NMT2: variants seen among roughly 807,000 people sequenced by gnomAD.
NMT2 encodes N-myristoyltransferase 2.
A neutral mutation model predicts 65.4 loss-of-function variants in NMT2; 35 were observed. The ratio of observed to expected loss-of-function variants is 0.54; its 90% CI spans 0.41 to 0.71. The LOEUF (loss-of-function observed/expected upper bound fraction) is 0.71, where lower values mean the gene tolerates loss of function less well. Among genes scored for constraint, NMT2 ranks in the 30% least tolerant of loss-of-function variants. The pLI is 0.00. For missense variants in NMT2, 489 were observed against 611.3 expected, an observed-to-expected ratio of 0.80 and a Z score of 2.11; for synonymous variants, 226 against 231.8, an observed-to-expected ratio of 0.98 and a Z score of 0.23.
At chr10:15,121,524 C>T (rs148716565) in intron 8 of NMT2, among the ~76,000 whole-genome samples, 32 of 152,290 alleles carry the variant, frequency 2.1e-4, no homozygotes, top group African/African-American at 4.1e-4. Flanking sequence ...CCTGCCACCA[C>T]GCCCGGCTAA....
intron 9 of NMT2, among the ~76,000 whole-genome samples, chr10:15,118,523 G>A (rs894806264): frequency 4.6e-5 from 7 of 151,302 alleles, no homozygotes; most frequent in African/African-American, 1.7e-4. Flanking sequence ...TGGGCAACAA[G>A]AGCAAAATTC....
At chr10:15,138,004 C>CTTTTTTTTTTTTTTTTTTTT (rs374744946) in intron 2 of NMT2, among the ~76,000 whole-genome samples, 3 of 128,132 alleles carry the variant, frequency 2.3e-5, no homozygotes, top group Non-Finnish European at 3.3e-5. Flanking sequence ...TCTTCTTCTT[C>CTTTTTTTTTTTTTTTTTTTT]TTTTTTTTTT....
rs1845396616 is a variant in NMT2 at position 15,108,568 on chromosome 10, A to G, written c.*627T>C. 2 of 986,108 alleles carry G rather than the reference A, an allele frequency of 2.0e-6. No individual in the cohort carries two copies. Among genetic ancestry groups the G allele is most frequent in the Non-Finnish European group, 2.4e-6 (2 of 830,462 alleles). 61.1% of individuals were successfully genotyped at this position (986,108 alleles called of 1,614,324 possible). ...CCACTGACCTGGTAAAGATCAAAGT[A>G]CAAACTTGCATGTTTATTGATTCGG... On this transcript the variant is annotated 3_prime_UTR_variant, in exon 12 of 12. Coordinates refer to ENST00000378165, the MANE Select transcript of NMT2 (RefSeq NM_004808.3).
chr10:15,108,008 A>C lies in NMT2; in HGVS notation c.*1187T>G, dbSNP rs1164575299. ...TAGAGGAGTATGTGCAATTTTGCAT[A>C]AGTAATAAAAACATTCAAACTATCA... On this transcript the variant is annotated 3_prime_UTR_variant, in exon 12 of 12. Coordinates refer to ENST00000378165, the MANE Select transcript of NMT2 (RefSeq NM_004808.3). The C allele has an allele frequency of 2.0e-6, 2 of 985,706 alleles. No homozygotes were observed. The highest frequency in any genetic ancestry group is 2.4e-6 in the Non-Finnish European group (2 of 829,930). The allele number at this position is 985,706 out of a possible 1,614,324, so 61.1% of individuals were successfully genotyped here.
intron 9 of NMT2, 58 bp downstream of exon 9, chr10:15,119,285 A>G: frequency 6.7e-7 from 1 of 1,489,854 alleles, no homozygotes; most frequent in South Asian, 1.2e-5. Context: ...ATTCTGCTGC[A>G]CGCTGAACAC....
At chr10:15,166,662 G>A (rs1303803089) in intron 1 of NMT2, among the ~76,000 whole-genome samples, 3 of 152,142 alleles carry the variant, frequency 2.0e-5, no homozygotes, top group Non-Finnish European at 4.4e-5. Context: ...TATTAACATG[G>A]TATCTGCTCT....
At chr10:15,156,507 G>T (rs1271830651) in intron 1 of NMT2, among the ~76,000 whole-genome samples, 1 of 152,082 alleles carries the variant, frequency 6.6e-6, no homozygotes, top group Non-Finnish European at 1.5e-5. Context: ...TACCATATTT[G>T]CATTTTTGTA....
At chr10:15,115,225 T>C (rs1845705386) in intron 9 of NMT2, among the ~76,000 whole-genome samples, 2 of 152,220 alleles carry the variant, frequency 1.3e-5, no homozygotes, top group South Asian at 4.1e-4. Flanking sequence ...AAATTATGCT[T>C]CTCCTCAAGC....
intron 2 of NMT2, 27 bp from the exon 3 acceptor site, chr10:15,135,445 T>C (rs968553877): frequency 6.2e-7 from 1 of 1,607,674 alleles, no homozygotes; most frequent in Non-Finnish European, 8.5e-7. Context: ...AGACACAGAA[T>C]ATGAGAGAGC....
chr10:15,153,730 A>G (rs1188601584), intron 1 of NMT2, among the ~76,000 whole-genome samples: 1 of 152,040 alleles, frequency 6.6e-6, no homozygotes, highest in Admixed American at 6.6e-5. Context: ...GCTCACTGCA[A>G]GCTCCGCCTC....
chr10:15,111,509 CAAAAAAA>C (rs58537120), intron 10 of NMT2, among the ~76,000 whole-genome samples: 3 of 52,804 alleles, frequency 5.7e-5, no homozygotes, highest in Non-Finnish European at 1.2e-4. Flanking sequence ...AGACTCATCT[CAAAAAAA>C]AAAAAAAAAA....
At chr10:15,166,388 AGAGGCC>A (rs1833379151) in intron 1 of NMT2, among the ~76,000 whole-genome samples, 1 of 152,220 alleles carries the variant, frequency 6.6e-6, no homozygotes, top group Non-Finnish European at 1.5e-5. Flanking sequence ...ATGGGAATGA[AGAGGCC>A]GAGTATAGAA....
rs1845357669 is a variant in NMT2 at position 15,107,810 on chromosome 10, C to T, written c.*1385G>A. 1.8e-5 allele frequency: 18 copies of T among 985,766 alleles called. No individual in the cohort carries two copies. The highest frequency in any genetic ancestry group is 2.2e-5 in the Non-Finnish European group (18 of 829,928). 61.1% of individuals were successfully genotyped at this position (985,766 alleles called of 1,614,324 possible). On this transcript the variant is annotated 3_prime_UTR_variant, in exon 12 of 12. Transcript: ENST00000378165. ...GGCCAGGCTACGTGGCCTCGGTTAG[C>T]ATCTTATTTTTCCCGCAGATTATTG...
In NMT2 at chr10:15,107,715, A is replaced by G. The variant is rs915326802; in HGVS notation, c.*1480T>C. On this transcript the variant is annotated 3_prime_UTR_variant, in exon 12 of 12. Coordinates refer to ENST00000378165, the MANE Select transcript of NMT2 (RefSeq NM_004808.3). ...AATGTTTCGCCCGCCTTGGCCTCCC[A>G]AAGTGCTGGGATTACAGGCGTGAGC... 2.1e-6 allele frequency: 2 copies of G among 960,214 alleles called. No individual in the cohort carries two copies. Among genetic ancestry groups the G allele is most frequent in the African/African-American group, 1.8e-5 (1 of 56,562 alleles). The allele number at this position is 960,214 out of a possible 1,614,324, so 59.5% of individuals were successfully genotyped here. A position where few individuals can be genotyped will look rare whatever the true frequency, so the allele number is the denominator to read the frequency against.
intron 1 of NMT2, among the ~76,000 whole-genome samples, chr10:15,163,206 C>G (rs1833260327): frequency 6.6e-6 from 1 of 152,210 alleles, no homozygotes; most frequent in African/African-American, 2.4e-5. Context: ...GCCACCACAC[C>G]TGGCCCTATT....
chr10:15,108,608 G>A lies in NMT2; in HGVS notation c.*587C>T. 1.0e-6 allele frequency: 1 copy of A among 985,904 alleles called. No individual in the cohort carries two copies. Among genetic ancestry groups the A allele is most frequent in the Non-Finnish European group, 1.2e-6 (1 of 830,352 alleles). 61.1% of individuals were successfully genotyped at this position (985,904 alleles called of 1,614,324 possible). ...TATTGATTCGGCAACTCTGCTTATG[G>A]AGAAATACATGTACTAGTCACCAGT... is the stretch of plus-strand genomic sequence containing the variant. On this transcript the variant is annotated 3_prime_UTR_variant, in exon 12 of 12. Transcript: ENST00000378165.
chr10:15,153,287 AG>A (rs1387651704), intron 1 of NMT2, among the ~76,000 whole-genome samples: 1 of 152,238 alleles, frequency 6.6e-6, no homozygotes, highest in Non-Finnish European at 1.5e-5. Flanking sequence ...TAAAACTAAA[AG>A]GAGGTTGATC....
chr10:15,114,838 A>T (rs1268292361), intron 9 of NMT2, among the ~76,000 whole-genome samples: 1 of 152,146 alleles, frequency 6.6e-6, no homozygotes, highest in African/African-American at 2.4e-5. Context: ...CCCCGTCTCT[A>T]CTAAAATACA....
In NMT2 at chr10:15,108,246, G is replaced by T. The variant is rs1845377005; in HGVS notation, c.*949C>A. On this transcript the variant is annotated 3_prime_UTR_variant, in exon 12 of 12. Coordinates refer to ENST00000378165, the MANE Select transcript of NMT2 (RefSeq NM_004808.3). ...TCTGTCACCCAGGCTGGAGTGCAGT[G>T]GCTCGATCTCGGCTCACTGCAACCT... 1 of 929,320 alleles carries T rather than the reference G, an allele frequency of 1.1e-6. No individual in the cohort carries two copies. The allele number at this position is 929,320 out of a possible 1,614,324, so 57.6% of individuals were successfully genotyped here.
Sources: allele counts gnomAD v4.1 joint callset (sites outside exome capture counted in the v4.1 genomes callset), GRCh38; gene constraint gnomAD v4.1.1; transcripts MANE v1.5; gene names NCBI Gene and HGNC (gene_info 2026-07-23, HGNC 2026-07-21).